MYO3A: variants seen among roughly 807,000 people sequenced by gnomAD.
MYO3A encodes myosin-IIIa.
A neutral mutation model predicts 192.7 loss-of-function variants in MYO3A; 180 were observed. That is an observed-to-expected ratio of 0.93 (90% CI 0.83 to 1.06). The LOEUF (loss-of-function observed/expected upper bound fraction) is 1.06. Among genes scored for constraint, MYO3A ranks in the 50% least tolerant of loss-of-function variants. The pLI is 0.00. For synonymous variants in MYO3A, 628 were observed against 645.3 expected (o/e 0.97, Z 0.41); for missense variants, 1,896 against 1,905.0 (o/e 1.00, Z 0.09).
At chr10:26,107,417 G>T (rs149892470) in intron 17 of MYO3A, among the ~76,000 whole-genome samples, 133 of 148,486 alleles carry the variant, frequency 9.0e-4, no homozygotes, top group African/African-American at 3.2e-3. Context: ...GGAAGCAGAG[G>T]TTGCAACGAG....
At chr10:26,062,520 A>AC (rs1452700134) in intron 10 of MYO3A, among the ~76,000 whole-genome samples, 2 of 113,498 alleles carry the variant, frequency 1.8e-5, no homozygotes, top group Middle Eastern at 5.1e-3. Context: ...CATCTCAAAA[A>AC]AAAAAAAAAA....
intron 20 of MYO3A, among the ~76,000 whole-genome samples, chr10:26,132,807 G>T (rs1839618956): frequency 6.6e-6 from 1 of 152,102 alleles, no homozygotes; most frequent in Admixed American, 6.6e-5. Context: ...ACTATTTACA[G>T]CACATAATGG....
In MYO3A at chr10:26,053,476, T is replaced by C. The variant is rs559043831; in HGVS notation, c.954-13499T>C. Among the ~76,000 whole-genome samples, 3 of 152,202 alleles carry C rather than the reference T, an allele frequency of 2.0e-5. No individual in the cohort carries two copies. The East Asian group carries it at 5.8e-4, about 29-fold the overall frequency. On this transcript the variant is annotated intron_variant, in intron 10 of 34. Coordinates refer to ENST00000642920, the MANE Select transcript of MYO3A (RefSeq NM_017433.5). Reference sequence around the variant, plus strand: ...CATACTTATTGGAAGACCCAGACAATACATATAAAAAGTTTATTGAGCAGT... The same window carrying C: ...CATACTTATTGGAAGACCCAGACAACACATATAAAAAGTTTATTGAGCAGT...
chr10:26,148,496 A>G lies in MYO3A; in HGVS notation c.2635+937A>G, dbSNP rs539623688. On this transcript the variant is annotated intron_variant, in intron 23 of 34. Coordinates refer to ENST00000642920, the MANE Select transcript of MYO3A (RefSeq NM_017433.5). ...GTAATTATAATTTGTTTGCTTTTCC[A>G]TATACGTTTTAGAATGAGCTTGTCA... is the stretch of plus-strand genomic sequence containing the variant. Among the ~76,000 whole-genome samples the G allele has an allele frequency of 2.0e-5, 3 of 152,268 alleles. No homozygotes were observed. In the South Asian group the frequency reaches 6.2e-4, roughly 32 times the overall value.
intron 34 of MYO3A, among the ~76,000 whole-genome samples, chr10:26,208,811 G>A (rs546542692): frequency 1.4e-4 from 21 of 152,188 alleles, no homozygotes; most frequent in Middle Eastern, 3.4e-3. Context: ...TGCAGGCTAC[G>A]TTCTAGACCT....
intron 17 of MYO3A, among the ~76,000 whole-genome samples, chr10:26,104,181 A>T (rs535862698): frequency 9.4e-4 from 142 of 151,558 alleles, no homozygotes; most frequent in Non-Finnish European, 1.9e-3. Flanking sequence ...TGAAGCACAG[A>T]AGTTTTTAAA....
At chr10:25,942,901 G>A (rs1368538257) in intron 2 of MYO3A, among the ~76,000 whole-genome samples, 2 of 151,122 alleles carry the variant, frequency 1.3e-5, no homozygotes, top group Non-Finnish European at 2.9e-5. Flanking sequence ...TTTTCACTCT[G>A]TTGTTAATGT....
intron 26 of MYO3A, among the ~76,000 whole-genome samples, chr10:26,164,620 T>C (rs1449473202): frequency 2.6e-5 from 4 of 152,090 alleles, no homozygotes; most frequent in African/African-American, 7.2e-5. Context: ...AGAGCTTTCT[T>C]GGGAGCCTGG....
chr10:26,073,928 A>G (rs1453037581), intron 14 of MYO3A, among the ~76,000 whole-genome samples: 1 of 151,832 alleles, frequency 6.6e-6, no homozygotes, highest in African/African-American at 2.4e-5. Flanking sequence ...ACATGTAAAA[A>G]CTCTCAGAGC....
intron 13 of MYO3A, 43 bp from the exon 14 acceptor site, chr10:26,070,275 T>G: frequency 1.2e-6 from 2 of 1,605,122 alleles, no homozygotes; most frequent in Non-Finnish European, 1.7e-6. Flanking sequence ...GTCACTTAAT[T>G]TTGAGGATAA....
chr10:26,001,763 C>T (rs1208193940), intron 6 of MYO3A, among the ~76,000 whole-genome samples: 1 of 152,186 alleles, frequency 6.6e-6, no homozygotes, highest in African/African-American at 2.4e-5. Context: ...AGGAGGATTA[C>T]TTGAGCCCAG....
intron 2 of MYO3A, among the ~76,000 whole-genome samples, chr10:25,948,290 A>G (rs1219518480): frequency 6.6e-6 from 1 of 152,164 alleles, no homozygotes; most frequent in Non-Finnish European, 1.5e-5. Flanking sequence ...GTTGAGATGA[A>G]TCTGAAGATC....
intron 15 of MYO3A, 94 bp downstream of exon 15, chr10:26,088,499 A>T (rs1836481651): frequency 8.2e-7 from 1 of 1,223,264 alleles, no homozygotes; most frequent in Non-Finnish European, 1.2e-6. Flanking sequence ...ATAAAATTTT[A>T]TTTATCACTT....
At chr10:26,094,961 A>G (rs1836924778) in intron 15 of MYO3A, among the ~76,000 whole-genome samples, 1 of 152,220 alleles carries the variant, frequency 6.6e-6, no homozygotes, top group African/African-American at 2.4e-5. Flanking sequence ...CTTAATAATA[A>G]TAATTCCTTT....
At chr10:26,031,151 T>G (rs1183122770) in intron 10 of MYO3A, among the ~76,000 whole-genome samples, 1 of 152,256 alleles carries the variant, frequency 6.6e-6, no homozygotes, top group Non-Finnish European at 1.5e-5. Flanking sequence ...AATGTGCTAA[T>G]TCAGAATTCT....
intron 10 of MYO3A, 36 bp from the exon 11 acceptor site, chr10:26,066,939 A>G (rs754624345): frequency 2.8e-6 from 4 of 1,451,360 alleles, no homozygotes; most frequent in South Asian, 1.1e-5. Flanking sequence ...ATGAGCAGTA[A>G]TCAATTCTTA....
At chr10:26,138,807 A>G (rs900224042) in intron 20 of MYO3A, among the ~76,000 whole-genome samples, 25 of 152,222 alleles carry the variant, frequency 1.6e-4, no homozygotes, top group African/African-American at 6.0e-4. Flanking sequence ...TCCCCAGGAA[A>G]GTCACTCAAA....
chr10:26,159,388 C>G (rs2131950511), intron 26 of MYO3A, among the ~76,000 whole-genome samples: 1 of 138,160 alleles, frequency 7.2e-6, no homozygotes, highest in East Asian at 2.1e-4. Context: ...TAGACAGAGT[C>G]TCGCTCTGTC....
chr10:26,064,582 G>T (rs898582034), intron 10 of MYO3A, among the ~76,000 whole-genome samples: 1 of 152,116 alleles, frequency 6.6e-6, no homozygotes, highest in African/African-American at 2.4e-5. Context: ...TGGCTGCAGT[G>T]TTGGGAAGAG....
Sources: allele counts gnomAD v4.1 joint callset (sites outside exome capture counted in the v4.1 genomes callset), GRCh38; gene constraint gnomAD v4.1.1; transcripts MANE v1.5; gene names NCBI Gene and HGNC (gene_info 2026-07-23, HGNC 2026-07-21).